CYB5A: variants seen among roughly 807,000 people sequenced by gnomAD.
CYB5A encodes the protein cytochrome b5 type A.
CYB5A carries 10 observed loss-of-function variants against 16.2 expected under a neutral mutation model. That is an observed-to-expected ratio of 0.62 (90% CI 0.38 to 1.04). The LOEUF is 1.04. CYB5A is among the 50% of genes least tolerant of loss of function. The pLI is 0.01. For missense variants in CYB5A, 161 were observed against 165.9 expected (o/e 0.97, Z 0.16); for synonymous variants, 62 against 57.0 (o/e 1.09, Z -0.40).
chr18:74,280,875 T>A (rs922553071), intron 1 of CYB5A, among the ~76,000 whole-genome samples: 1 of 152,170 alleles, frequency 6.6e-6, no homozygotes, highest in Non-Finnish European at 1.5e-5. Context: ...TGCAGCCATA[T>A]CCTAAGTCTT....
At chr18:74,277,697 C>T (rs897697791) in intron 1 of CYB5A, among the ~76,000 whole-genome samples, 2 of 152,198 alleles carry the variant, frequency 1.3e-5, no homozygotes, top group African/African-American at 4.8e-5. Context: ...AGGGGTCACT[C>T]AGGAGGCAAC....
chr18:74,278,718 C>T (rs1384316074), intron 1 of CYB5A, among the ~76,000 whole-genome samples: 2 of 152,206 alleles, frequency 1.3e-5, no homozygotes, highest in Non-Finnish European at 2.9e-5. Context: ...TATGCACAGC[C>T]TGTGAGCTGG....
rs1422248161 is a variant in CYB5A, at chr18:74,253,463, A to T, written c.*121T>A. The T allele has an allele frequency of 3.0e-6, 2 of 671,512 alleles. No homozygotes were observed. Among genetic ancestry groups the T allele is most frequent in the African/African-American group, 3.6e-5 (2 of 55,096 alleles). 41.6% of individuals were successfully genotyped at this position (671,512 alleles called of 1,614,324 possible). A position where few individuals can be genotyped will look rare whatever the true frequency, so the allele number is the denominator to read the frequency against. ...GTTTCTAATGTCGGAAGAAAAAGAA[A>T]GAGATATATTAAAATCATTGTTTTC... On this transcript the variant is annotated 3_prime_UTR_variant, in exon 5 of 5. Transcript: ENST00000340533.
chr18:74,263,252 C>T (rs747425294), intron 2 of CYB5A, 97 bp downstream of exon 2: 2 of 1,524,466 alleles, frequency 1.3e-6, no homozygotes, highest in African/African-American at 1.4e-5. Flanking sequence ...TTGCTTTACT[C>T]CTTTTAAAAT....
chr18:74,285,896 C>T (rs930240871), intron 1 of CYB5A, among the ~76,000 whole-genome samples: 3 of 150,602 alleles, frequency 2.0e-5, no homozygotes, highest in Non-Finnish European at 1.5e-5. Flanking sequence ...ACCCAAGAAT[C>T]CCACTTACAA....
At chr18:74,253,954 G>A (rs1056664912) in intron 4 of CYB5A, among the ~76,000 whole-genome samples, 2 of 152,176 alleles carry the variant, frequency 1.3e-5, no homozygotes, top group Non-Finnish European at 1.5e-5. Context: ...CAAGGCAGAC[G>A]GATCACTTGA....
chr18:74,280,539 T>C (rs1258336608), intron 1 of CYB5A, among the ~76,000 whole-genome samples: 1 of 151,060 alleles, frequency 6.6e-6, no homozygotes. Context: ...GATCATGCCA[T>C]TGCACTCCAG....
intron 2 of CYB5A, chr18:74,261,528 G>C (rs1431931335): frequency 1.3e-5 from 2 of 159,448 alleles, no homozygotes; most frequent in Non-Finnish European, 2.8e-5. Flanking sequence ...ATGTGTAACG[G>C]CAGGCCTCCC....
chr18:74,282,263 G>A (rs1346215840), intron 1 of CYB5A, among the ~76,000 whole-genome samples: 4 of 152,150 alleles, frequency 2.6e-5, no homozygotes, highest in African/African-American at 9.7e-5. Context: ...GGAAAAAGGG[G>A]GTAAAATAAG....
intron 1 of CYB5A, among the ~76,000 whole-genome samples, chr18:74,285,034 T>C (rs947542029): frequency 4.6e-5 from 7 of 152,212 alleles, no homozygotes; most frequent in Admixed American, 3.9e-4. Flanking sequence ...CAAGACTATG[T>C]TCCCAAGAAA....
At chr18:74,267,062 C>T (rs769608835) in intron 1 of CYB5A, among the ~76,000 whole-genome samples, 9 of 152,120 alleles carry the variant, frequency 5.9e-5, no homozygotes, top group African/African-American at 1.9e-4. Flanking sequence ...GAGAGAGACA[C>T]TTGGCCAAGT....
chr18:74,281,600 A>C (rs1425055525), intron 1 of CYB5A, among the ~76,000 whole-genome samples: 2 of 152,130 alleles, frequency 1.3e-5, no homozygotes, highest in South Asian at 2.1e-4. Flanking sequence ...TGGCAAGAGA[A>C]GCTGTGGTGA....
At chr18:74,270,616 C>T (rs1982633164) in intron 1 of CYB5A, among the ~76,000 whole-genome samples, 1 of 152,200 alleles carries the variant, frequency 6.6e-6, no homozygotes, top group Admixed American at 6.5e-5. Context: ...TGCTTCTGTA[C>T]TGAACATGAG....
chr18:74,261,995 G>A (rs546259521), intron 2 of CYB5A, among the ~76,000 whole-genome samples: 18 of 152,252 alleles, frequency 1.2e-4, no homozygotes, highest in Non-Finnish European at 1.9e-4. Flanking sequence ...CTGAGTGTGC[G>A]GCCCCAGGAT....
At chr18:74,263,595 G>A in intron 1 of CYB5A, 118 bp from the exon 2 acceptor site, 1 of 751,176 alleles carries the variant, frequency 1.3e-6, no homozygotes. Flanking sequence ...ATGACAACAG[G>A]AGACTAACTT....
At chr18:74,287,207 T>A (rs1983354076) in intron 1 of CYB5A, among the ~76,000 whole-genome samples, 1 of 152,218 alleles carries the variant, frequency 6.6e-6, no homozygotes, top group Non-Finnish European at 1.5e-5. Context: ...ATGTTCCCAT[T>A]TTACATGCAT....
In CYB5A at chr18:74,269,267, T is replaced by C. The variant is rs1982570280; in HGVS notation, c.130-5790A>G. 2.3e-5 allele frequency among the ~76,000 whole-genome samples: 3 copies of C among 132,894 alleles called. No individual in the cohort carries two copies. The Middle Eastern group carries it at 0.011, about 482-fold the overall frequency. 87.2% of individuals were successfully genotyped at this position (132,894 alleles called of 152,430 possible). A position where few individuals can be genotyped will look rare whatever the true frequency, so the allele number is the denominator to read the frequency against. ...GCACAGTGGTTCTCTTCTCCTTGAA[T>C]TGCCTTCTTTATTTGACTTCCAGGG... On this transcript the variant is annotated intron_variant, in intron 1 of 4. Transcript: ENST00000340533.
Position 74,291,911 on chromosome 18 carries a change from C to T in CYB5A, c.-36G>A, listed in dbSNP as rs533326035. 73 of 1,607,424 alleles carry T rather than the reference C, an allele frequency of 4.5e-5. No individual in the cohort carries two copies. In the South Asian group the frequency reaches 6.8e-4, roughly 15 times the overall value. ...CGCGAGCCAGGCCCAGCACACACAGCCCCGTCGGGTGGAGCAGAGCGCGCG... is the reference window on the plus strand; with the variant it reads ...CGCGAGCCAGGCCCAGCACACACAGTCCCGTCGGGTGGAGCAGAGCGCGCG... On this transcript the variant is annotated 5_prime_UTR_variant, in exon 1 of 5. Transcript: ENST00000340533.
At position 74,281,743 on chromosome 18, in the gene CYB5A, C is replaced by CTGTG. The variant is rs112934460; in HGVS notation, c.129+10000_129+10003dup. ...GAGGGGGCAGAAGAGTCAAGGGAGG[C>CTGTG]TGTGTGTGTGTGTGTGTGTGTGTGT... On this transcript the variant is annotated intron_variant, in intron 1 of 4. Coordinates refer to ENST00000340533, the MANE Select transcript of CYB5A (RefSeq NM_148923.4). Among the ~76,000 whole-genome samples, 1,244 of 138,828 alleles carry CTGTG rather than the reference C, an allele frequency of 9.0e-3. 23 individuals carry two copies. Among genetic ancestry groups the CTGTG allele is most frequent in the East Asian group, 0.056 (270 of 4,808 alleles). The allele number at this position is 138,828 out of a possible 152,430, so 91.1% of individuals were successfully genotyped here.
Sources: allele counts gnomAD v4.1 joint callset (sites outside exome capture counted in the v4.1 genomes callset), GRCh38; gene constraint gnomAD v4.1.1; transcripts MANE v1.5; gene names NCBI Gene and HGNC (gene_info 2026-07-23, HGNC 2026-07-21).